PDE8A: variants seen among roughly 807,000 people sequenced by gnomAD.
PDE8A encodes high affinity cAMP-specific and IBMX-insensitive 3',5'-cyclic phosphodiesterase 8A.
PDE8A carries 59 observed loss-of-function variants against 105.0 expected under a neutral mutation model. The observed-to-expected ratio is 0.56, with a 90% CI of 0.46 to 0.70. The LOEUF (loss-of-function observed/expected upper bound fraction) is 0.70. PDE8A is among the 30% of genes least tolerant of loss of function. The probability of loss-of-function intolerance (pLI) is 0.00; values close to 1 mark genes in which losing one functional copy is unlikely to be tolerated. For synonymous variants in PDE8A, 355 were observed against 371.9 expected (o/e 0.95, Z 0.52); for missense variants, 1,014 against 1,045.9 (o/e 0.97, Z 0.42).
chr15:85,037,420 A>AC (rs1218958831), intron 1 of PDE8A, among the ~76,000 whole-genome samples: 1 of 152,076 alleles, frequency 6.6e-6, no homozygotes, highest in Non-Finnish European at 1.5e-5. Flanking sequence ...GCATTCCAGG[A>AC]CCCCATGAGA....
chr15:85,024,988 A>G (rs2080490275), intron 1 of PDE8A, among the ~76,000 whole-genome samples: 1 of 152,228 alleles, frequency 6.6e-6, no homozygotes, highest in Non-Finnish European at 1.5e-5. Context: ...CAGATTAAAA[A>G]CAAACAAATT....
intron 5 of PDE8A, among the ~76,000 whole-genome samples, chr15:85,079,018 AG>A (rs1241070209): frequency 8.5e-5 from 13 of 152,294 alleles, no homozygotes; most frequent in South Asian, 4.2e-4. Context: ...AAATTTGAAG[AG>A]GAGAGGAGGG....
At chr15:85,006,783 G>A (rs993810624) in intron 1 of PDE8A, among the ~76,000 whole-genome samples, 2 of 152,168 alleles carry the variant, frequency 1.3e-5, no homozygotes, top group Admixed American at 1.3e-4. Flanking sequence ...AGGGAATTAG[G>A]CTACTGTATT....
intron 8 of PDE8A, among the ~76,000 whole-genome samples, chr15:85,094,453 G>A (rs1387268600): frequency 6.6e-6 from 1 of 152,158 alleles, no homozygotes; most frequent in Non-Finnish European, 1.5e-5. Flanking sequence ...TGTTGTTGAA[G>A]TATCTTTTCT....
chr15:85,129,031 C>T (rs1448367309), intron 20 of PDE8A, among the ~76,000 whole-genome samples: 2 of 151,862 alleles, frequency 1.3e-5, no homozygotes, highest in African/African-American at 4.8e-5. Context: ...GGTTTTCTTC[C>T]CTTCATTCTC....
At chr15:85,016,016 A>G (rs1453312953) in intron 1 of PDE8A, among the ~76,000 whole-genome samples, 1 of 152,124 alleles carries the variant, frequency 6.6e-6, no homozygotes, top group East Asian at 1.9e-4. Flanking sequence ...CACATCCGTA[A>G]TCCCAGCTAC....
chr15:85,103,934 G>T (rs1292136093), intron 11 of PDE8A, among the ~76,000 whole-genome samples: 1 of 152,262 alleles, frequency 6.6e-6, no homozygotes, highest in Non-Finnish European at 1.5e-5. Flanking sequence ...GTATGGAGCA[G>T]TGGAGTCTCT....
chr15:85,111,721 C>T (rs1303570924), intron 12 of PDE8A, among the ~76,000 whole-genome samples: 1 of 152,188 alleles, frequency 6.6e-6, no homozygotes, highest in African/African-American at 2.4e-5. Flanking sequence ...ATACACACAT[C>T]CTCCTGGGAT....
chr15:85,076,867 C>T lies in PDE8A; in HGVS notation c.546+80C>T, dbSNP rs183400422. On this transcript the variant is annotated intron_variant, in intron 5 of 21. Transcript: ENST00000394553. ...ATCTCAGTTCAGTACCCAGCAAAAG[C>T]TTTGTATTAATTTGAAGAAAAAAAA... is the stretch of plus-strand genomic sequence containing the variant. The T allele has an allele frequency of 2.9e-3, 2,801 of 955,274 alleles. 10 individuals are homozygous for T. Among genetic ancestry groups the T allele is most frequent in the Non-Finnish European group, 4.1e-3 (2,424 of 585,336 alleles). The allele number at this position is 955,274 out of a possible 1,614,324, so 59.2% of individuals were successfully genotyped here.
At chr15:85,099,196 C>T (rs1276009020) in intron 9 of PDE8A, among the ~76,000 whole-genome samples, 1 of 152,212 alleles carries the variant, frequency 6.6e-6, no homozygotes, top group East Asian at 1.9e-4. Flanking sequence ...CTAACTGCAG[C>T]CCTGTGAGGT....
chr15:85,045,424 C>T (rs924525323), intron 1 of PDE8A, among the ~76,000 whole-genome samples: 1 of 152,176 alleles, frequency 6.6e-6, no homozygotes, highest in Admixed American at 6.5e-5. Context: ...TAAATTCAGA[C>T]AGAACTGGGT....
chr15:85,134,292 A>G (rs1375672340), intron 20 of PDE8A, among the ~76,000 whole-genome samples: 1 of 152,222 alleles, frequency 6.6e-6, no homozygotes, highest in East Asian at 1.9e-4. Flanking sequence ...ATGGCTGCCC[A>G]GAGAGAGCTG....
intron 17 of PDE8A, among the ~76,000 whole-genome samples, chr15:85,118,236 G>C (rs1056840238): frequency 2.0e-5 from 3 of 152,086 alleles, no homozygotes; most frequent in African/African-American, 4.8e-5. Flanking sequence ...CATCATCTCT[G>C]TTCCCAGCAC....
chr15:85,014,567 T>G (rs1485541242), intron 1 of PDE8A, among the ~76,000 whole-genome samples: 1 of 152,242 alleles, frequency 6.6e-6, no homozygotes, highest in Non-Finnish European at 1.5e-5. Flanking sequence ...GTTATTTGTA[T>G]TACTATGAAG....
chr15:85,070,528 G>C (rs2081295860), intron 3 of PDE8A, among the ~76,000 whole-genome samples: 1 of 152,170 alleles, frequency 6.6e-6, no homozygotes, highest in South Asian at 2.1e-4. Flanking sequence ...CTTCGCAAGA[G>C]GATACTTGAG....
intron 6 of PDE8A, among the ~76,000 whole-genome samples, chr15:85,085,335 A>G (rs2081533904): frequency 6.6e-6 from 1 of 152,208 alleles, no homozygotes; most frequent in African/African-American, 2.4e-5. Flanking sequence ...TTGTTCTTTC[A>G]GATACTAAAA....
rs577555606 is a variant in PDE8A at position 84,983,452 on chromosome 15, G to C, written c.186+1104G>C. ...TACTTTCTGTCTTACATTTCTAGCAGTCGTCATGATACTTTTTCTGTACGA... is the reference window on the plus strand; with the variant it reads ...TACTTTCTGTCTTACATTTCTAGCACTCGTCATGATACTTTTTCTGTACGA... On this transcript the variant is annotated intron_variant, in intron 1 of 21. Transcript: ENST00000394553. 2.0e-5 allele frequency among the ~76,000 whole-genome samples: 3 copies of C among 152,324 alleles called. No individual in the cohort carries two copies. The South Asian group carries it at 6.2e-4, about 32-fold the overall frequency.
chr15:85,018,784 A>C (rs2080371251), intron 1 of PDE8A, among the ~76,000 whole-genome samples: 1 of 152,218 alleles, frequency 6.6e-6, no homozygotes, highest in African/African-American at 2.4e-5. Context: ...TTGTTATATG[A>C]ATATGTACTT....
At chr15:85,051,627 C>T (rs140628283) in intron 1 of PDE8A, among the ~76,000 whole-genome samples, 29 of 152,192 alleles carry the variant, frequency 1.9e-4, no homozygotes, top group South Asian at 6.2e-4. Context: ...TCCCTCCCTC[C>T]GCCTGCCACA....
Sources: allele counts gnomAD v4.1 joint callset (sites outside exome capture counted in the v4.1 genomes callset), GRCh38; gene constraint gnomAD v4.1.1; transcripts MANE v1.5; gene names NCBI Gene and HGNC (gene_info 2026-07-23, HGNC 2026-07-21).